The following POPDC1 variants were observed in gnomAD, a reference collection of about 807,000 sequenced individuals.
The protein encoded by POPDC1 is popeye domain-containing protein 1.
At chr6:105,132,734 A>C in the POPDC1 span, among the ~76,000 whole-genome samples, 1 of 152,346 alleles carries the variant, frequency 6.6e-6, no homozygotes, top group South Asian at 2.1e-4. Context: ...ATGTGAATCA[A>C]TTTAACTTGC....
At chr6:105,121,514 C>G in the POPDC1 span, among the ~76,000 whole-genome samples, 1 of 152,034 alleles carries the variant, frequency 6.6e-6, no homozygotes, top group Non-Finnish European at 1.5e-5. Flanking sequence ...GTGATCCACC[C>G]GCCTCAGCCT....
the POPDC1 span, chr6:105,099,533 C>T: frequency 5.3e-5 from 8 of 152,212 alleles, no homozygotes; most frequent in Non-Finnish European, 1.0e-4. Flanking sequence ...CTTCATTCAA[C>T]GGAGCGTCCT....
the POPDC1 span, among the ~76,000 whole-genome samples, chr6:105,103,488 C>T: frequency 6.6e-6 from 1 of 151,908 alleles, no homozygotes; most frequent in Non-Finnish European, 1.5e-5. Context: ...AAAAAAAAGC[C>T]CTGGTTTCCA....
At chr6:105,133,608 A>G in the POPDC1 span, 55 of 1,525,834 alleles carry the variant, frequency 3.6e-5, no homozygotes, top group Middle Eastern at 1.0e-3. Flanking sequence ...CAAGTAAACA[A>G]AAGTAAAATC....
chr6:105,131,767 T>G, the POPDC1 span, among the ~76,000 whole-genome samples: 1 of 152,144 alleles, frequency 6.6e-6, no homozygotes, highest in South Asian at 2.1e-4. Flanking sequence ...TGATAATATC[T>G]TTGGTTCATT....
chr6:105,115,672 T>C, the POPDC1 span: 3 of 1,613,856 alleles, frequency 1.9e-6, no homozygotes, highest in East Asian at 6.7e-5. Context: ...AGTATCAGTT[T>C]TGGGATAACT....
chr6:105,133,765 T>G, the POPDC1 span, among the ~76,000 whole-genome samples: 1 of 152,294 alleles, frequency 6.6e-6, no homozygotes, highest in African/African-American at 2.4e-5. Flanking sequence ...ATTCAGTTCC[T>G]TACCTGTTAA....
chr6:105,130,601 G>A, the POPDC1 span, among the ~76,000 whole-genome samples: 1 of 152,048 alleles, frequency 6.6e-6, no homozygotes, highest in African/African-American at 2.4e-5. Flanking sequence ...GAAACATTTC[G>A]TTAGATGATT....
At chr6:105,117,217 C>T in the POPDC1 span, among the ~76,000 whole-genome samples, 2 of 152,106 alleles carry the variant, frequency 1.3e-5, no homozygotes, top group South Asian at 2.1e-4. Context: ...TATTTCTTTA[C>T]ACCCTGTACA....
At chr6:105,129,631 C>A in the POPDC1 span, 1 of 851,658 alleles carries the variant, frequency 1.2e-6, no homozygotes. Flanking sequence ...GCAAGACCCC[C>A]AGTGAACGCC....
chr6:105,103,589 A>G, the POPDC1 span, among the ~76,000 whole-genome samples: 1 of 152,242 alleles, frequency 6.6e-6, no homozygotes, highest in Non-Finnish European at 1.5e-5. Context: ...AGAACAAACA[A>G]TAAGATGGCA....
chr6:105,132,246 G>A, the POPDC1 span, among the ~76,000 whole-genome samples: 1,506 of 152,310 alleles, frequency 9.9e-3, 29 homozygotes, highest in African/African-American at 0.034. Flanking sequence ...GATTACAGGC[G>A]TAAGCCACTG....
chr6:105,123,156 G>T, the POPDC1 span, among the ~76,000 whole-genome samples: 2 of 152,144 alleles, frequency 1.3e-5, no homozygotes, highest in Non-Finnish European at 2.9e-5. Flanking sequence ...CCCTCAGGTA[G>T]TAATAGCCTC....
At chr6:105,136,143 TTCATTCTGTAATTCTAAC>T in the POPDC1 span, 1 of 152,258 alleles carries the variant, frequency 6.6e-6, no homozygotes, top group Non-Finnish European at 1.5e-5. Context: ...GTCGAGTTAA[TTCATTCTGTAATTCTAAC>T]TGAATCTTCG....
At chr6:105,114,913 A>G in the POPDC1 span, among the ~76,000 whole-genome samples, 1 of 152,252 alleles carries the variant, frequency 6.6e-6, no homozygotes, top group African/African-American at 2.4e-5. Context: ...TGAGATAACC[A>G]GCCAGCAGCA....
chr6:105,121,280 T>C, the POPDC1 span, among the ~76,000 whole-genome samples: 1 of 151,984 alleles, frequency 6.6e-6, no homozygotes, highest in Non-Finnish European at 1.5e-5. Flanking sequence ...TTTTTTTTTT[T>C]TTTGAGATGG....
At chr6:105,134,182 A>T in the POPDC1 span, among the ~76,000 whole-genome samples, 18 of 152,136 alleles carry the variant, frequency 1.2e-4, no homozygotes, top group African/African-American at 4.3e-4. Context: ...ATATATAGCC[A>T]TATAAACATT....
the POPDC1 span, chr6:105,097,655 T>C: frequency 6.6e-6 from 1 of 152,290 alleles, no homozygotes; most frequent in Admixed American, 6.5e-5. Context: ...TTTGGGGCCG[T>C]GATGGGAGCT....
At chr6:105,118,455 A>C in the POPDC1 span, among the ~76,000 whole-genome samples, 1 of 152,252 alleles carries the variant, frequency 6.6e-6, no homozygotes, top group African/African-American at 2.4e-5. Flanking sequence ...GACTTGATGA[A>C]ACACTAAATT....
Sources: allele counts gnomAD v4.1 joint callset (sites outside exome capture counted in the v4.1 genomes callset), GRCh38; gene constraint gnomAD v4.1.1; transcripts MANE v1.5; gene names NCBI Gene and HGNC (gene_info 2026-07-23, HGNC 2026-07-21).